Variants in CPLANE1 observed in about 807,000 individuals in gnomAD.
CPLANE1 encodes the protein ciliogenesis and planar polarity effector complex subunit 1, also known as ciliogenesis and planar polarity effector 1.
A neutral mutation model predicts 362.5 loss-of-function variants in CPLANE1; 263 were observed. The observed-to-expected ratio is 0.73, with a 90% confidence interval of 0.66 to 0.80. The LOEUF is 0.80. CPLANE1 is among the 30% of genes least tolerant of loss of function. The pLI is 0.00. For missense variants in CPLANE1, 3,461 were observed against 3,793.4 expected (o/e 0.91, Z 2.30); for synonymous variants, 1,212 against 1,302.6 (o/e 0.93, Z 1.50).
At chr5:37,146,663 T>A (rs1199640005) in intron 43 of CPLANE1, among the ~76,000 whole-genome samples, 1 of 152,134 alleles carries the variant, frequency 6.6e-6, no homozygotes, top group East Asian at 1.9e-4. Flanking sequence ...GGGTTTCGTT[T>A]CAAAATAATC....
At chr5:37,111,420 C>T (rs1759292390) in intron 51 of CPLANE1, among the ~76,000 whole-genome samples, 1 of 152,186 alleles carries the variant, frequency 6.6e-6, no homozygotes, top group Non-Finnish European at 1.5e-5. Context: ...GCCACCGTGC[C>T]CGGCCTAACT....
rs1376881560 is a variant in CPLANE1, at chr5:37,205,335, G to A, written c.3269C>T (p.Ser1090Leu). 6.4e-7 allele frequency: 1 copy of A among 1,550,540 alleles called. No individual in the cohort carries two copies. Among genetic ancestry groups the A allele is most frequent in the Non-Finnish European group, 8.7e-7 (1 of 1,146,618 alleles). ...CACACCTGTAAACTGTTTATATTTT[G>A]AGCCCATTTCATTTTTTGCTTCCAA... ...ASLEAKNEMG[S>L]KYKQFTDPIE... Residue 1090 changes from serine to leucine, a missense_variant, in exon 18 of 53, where the codon TCA (serine) becomes TTA (leucine). Coordinates refer to ENST00000651892, the MANE Select transcript of CPLANE1 (RefSeq NM_001384732.1).
At chr5:37,208,247 C>T (rs1374929104) in intron 16 of CPLANE1, among the ~76,000 whole-genome samples, 1 of 152,224 alleles carries the variant, frequency 6.6e-6, no homozygotes, top group Admixed American at 6.5e-5. Flanking sequence ...GCCCAGCCCT[C>T]CTCCTCTAGT....
chr5:37,141,422 C>T (rs1769686128), intron 44 of CPLANE1: 1 of 985,024 alleles, frequency 1.0e-6, no homozygotes, highest in African/African-American at 1.7e-5. Flanking sequence ...ATATGATACT[C>T]AGTCTTCACA....
chr5:37,162,595 T>C (rs757865129), intron 37 of CPLANE1, 29 bp from the exon 38 acceptor site: 2 of 1,494,834 alleles, frequency 1.3e-6, no homozygotes, highest in African/African-American at 2.8e-5. Flanking sequence ...TTGGAAGTAA[T>C]CATTGAGAAG....
At chr5:37,224,378 CT>C in intron 13 of CPLANE1, 45 bp from the exon 14 acceptor site, 1 of 1,392,830 alleles carries the variant, frequency 7.2e-7, no homozygotes, top group Non-Finnish European at 9.8e-7. Context: ...AATTATATTA[CT>C]TCATAAAAAT....
At chr5:37,157,958 A>AAAAT in intron 39 of CPLANE1, 90 bp from the exon 40 acceptor site, 15 of 762,518 alleles carry the variant, frequency 2.0e-5, no homozygotes, top group Non-Finnish European at 2.3e-5. Context: ...AAAAAAAAAA[A>AAAAT]GGCTTAATTC....
At chr5:37,085,482 G>C in the CPLANE1 span, 1 of 817,412 alleles carries the variant, frequency 1.2e-6, no homozygotes, top group Non-Finnish European at 2.2e-6. Flanking sequence ...GACTCATGAT[G>C]CTCACAGCAT....
In CPLANE1 at chr5:37,180,888, C is replaced by T. The variant is rs1323962263; in HGVS notation, c.5539G>A (p.Gly1847Ser). The T allele has an allele frequency of 6.2e-7, 1 of 1,614,016 alleles. No homozygotes were observed. Among genetic ancestry groups the T allele is most frequent in the South Asian group, 1.1e-5 (1 of 91,074 alleles). ...ATPGGTEERN[G>S]QNKSCQNILN... is the part of the protein sequence containing the mutation. ...ATATTTTGACAAGATTTATTCTGAC[C>T]ATTTCTTTCCTCAGTTCCACCTGGA... Residue 1847 changes from glycine (G) to serine (S), a missense_variant, in exon 27 of 53, where the codon GGT (glycine) becomes AGT (serine). Gly to Ser is a moderately conservative substitution (Grantham distance 56, BLOSUM62 0). Transcript: ENST00000651892.
intron 5 of CPLANE1, 67 bp from the exon 6 acceptor site, chr5:37,243,186 A>G: frequency 2.3e-6 from 2 of 866,690 alleles, no homozygotes; most frequent in Non-Finnish European, 3.5e-6. Flanking sequence ...ACTAAAATAC[A>G]TATATATATT....
At chr5:37,138,554 A>G in intron 46 of CPLANE1, 166 bp downstream of exon 46, 1 of 776,034 alleles carries the variant, frequency 1.3e-6, no homozygotes, top group Non-Finnish European at 2.3e-6. Context: ...ATATATTGTT[A>G]GAGAAAAGGG....
Position 37,121,415 on chromosome 5 carries a change from A to G in CPLANE1, c.9185+202T>C, listed in dbSNP as rs79995491. Among the ~76,000 whole-genome samples, 1,234 of 152,350 alleles carry G rather than the reference A, an allele frequency of 8.1e-3. 22 individuals carry two copies. The highest frequency in any genetic ancestry group is 0.028 in the African/African-American group (1,156 of 41,572). The stretch of plus-strand genomic sequence containing the variant: ...ATGCTCTGTAAGCTTAGTGAGAAAT[A>G]TAACACAATTTTTGCCTTTTTCCTT... On this transcript the variant is annotated intron_variant, in intron 49 of 52. Coordinates refer to ENST00000651892, the MANE Select transcript of CPLANE1 (RefSeq NM_001384732.1).
intron 46 of CPLANE1, among the ~76,000 whole-genome samples, chr5:37,134,202 T>G (rs927843140): frequency 6.6e-6 from 1 of 152,182 alleles, no homozygotes; most frequent in South Asian, 2.1e-4. Flanking sequence ...TAAAAGAGTT[T>G]CAGTAGAATT....
chr5:37,211,101 C>A, intron 16 of CPLANE1: 1 of 1,014,608 alleles, frequency 9.9e-7, no homozygotes, highest in Non-Finnish European at 1.6e-6. Flanking sequence ...CAACATGGTG[C>A]TTCACAATGG....
rs757803020 is a variant in CPLANE1 at position 37,169,146 on chromosome 5, G to A, written c.6878C>T (p.Ala2293Val). The change falls in exon 34 of 53, where the codon GCC becomes GTC. Residue 2293 changes from alanine to valine, a missense_variant. Transcript: ENST00000651892. ...HLNVSQYNTE[A>V]RKKEVEQKTW... is the part of the protein sequence containing the mutation. ...CTTCTGCTCAACTTCTTTTTTTCTGGCTTCAGTGTTATACTGGCTTACATT... is the reference window on the plus strand; with the variant it reads ...CTTCTGCTCAACTTCTTTTTTTCTGACTTCAGTGTTATACTGGCTTACATT... 10 of 1,613,920 alleles carry A rather than the reference G, an allele frequency of 6.2e-6. No individual in the cohort carries two copies. The highest frequency in any genetic ancestry group is 1.3e-5 in the African/African-American group (1 of 74,948).
In CPLANE1 at chr5:37,183,486, G is replaced by T; in HGVS notation, c.4695C>A (p.Asp1565Glu). 1 of 1,613,156 alleles carries T rather than the reference G, an allele frequency of 6.2e-7. No individual in the cohort carries two copies. The change falls in exon 26 of 53, where the codon GAC becomes GAA. Residue 1565 changes from aspartate to glutamate, a missense_variant. Physicochemically the swap from Asp to Glu is conservative, Grantham distance 45. This residue lies in a region of CPLANE1 where 3,380 missense variants were observed against 3,666.1 expected (regional missense o/e 0.92). Coordinates refer to ENST00000651892, the MANE Select transcript of CPLANE1 (RefSeq NM_001384732.1). ...TGTCAGCATCCCTGGAATAAGGTAG[G>T]TCTCTTTCAAGAATGTAACTCAAAA... ...DLFLSYILER[D>E]LPYSRDADIP...
chr5:37,154,975 G>A (rs147838292), intron 41 of CPLANE1, among the ~76,000 whole-genome samples: 80 of 152,226 alleles, frequency 5.3e-4, no homozygotes, highest in Middle Eastern at 3.4e-3. Flanking sequence ...AAAGTCACTC[G>A]AGGCTCCTCT....
At chr5:37,190,387 G>T (rs1343726925) in intron 21 of CPLANE1, among the ~76,000 whole-genome samples, 2 of 150,828 alleles carry the variant, frequency 1.3e-5, no homozygotes, top group Non-Finnish European at 2.9e-5. Flanking sequence ...GGGCAAAAAA[G>T]TGAGGCCCTG....
At chr5:37,085,711 C>A in the CPLANE1 span, 1 of 1,211,250 alleles carries the variant, frequency 8.3e-7, no homozygotes, top group East Asian at 2.3e-5. Context: ...ATGGCAACAG[C>A]TTTGCTACTC....
Sources: gnomAD v4.1 joint callset for allele counts (sites outside exome capture counted in the v4.1 genomes callset) on GRCh38, gnomAD v4.1.1 for gene constraint, gnomAD v4.1.1 regional missense constraint, MANE v1.5 for transcripts, NCBI Gene and HGNC (gene_info 2026-07-23, HGNC 2026-07-21) for gene names.